KPNA5: variants seen among roughly 807,000 people sequenced by gnomAD.
KPNA5 encodes the protein karyopherin subunit alpha 5.
In KPNA5, 46 loss-of-function variants were observed where a neutral mutation model predicts 71.3. The observed-to-expected ratio is 0.65, with a 90% CI of 0.51 to 0.83. KPNA5 has a LOEUF of 0.83. Ranked by LOEUF, KPNA5 falls within the 40% of genes least tolerant of loss-of-function variation. The pLI is 0.00. For missense variants in KPNA5, 547 were observed against 628.3 expected (o/e 0.87, Z 1.38); for synonymous variants, 207 against 201.4 (o/e 1.03, Z -0.24).
At chr6:116,696,908 A>C (rs1778048565) in intron 4 of KPNA5, among the ~76,000 whole-genome samples, 1 of 151,770 alleles carries the variant, frequency 6.6e-6, no homozygotes, top group African/African-American at 2.4e-5. Flanking sequence ...CTTTTAATTC[A>C]CCGGGAAGAA....
At chr6:116,703,459 C>T (rs1019452181) in intron 6 of KPNA5, among the ~76,000 whole-genome samples, 2 of 151,994 alleles carry the variant, frequency 1.3e-5, no homozygotes, top group Non-Finnish European at 2.9e-5. Context: ...GATGGTGTTT[C>T]ACCATGTTGG....
intron 12 of KPNA5, among the ~76,000 whole-genome samples, chr6:116,728,566 C>CA (rs1562456280): frequency 6.6e-6 from 1 of 152,076 alleles, no homozygotes; most frequent in Non-Finnish European, 1.5e-5. Flanking sequence ...AACTATGAGG[C>CA]AGTTATTCAT....
intron 7 of KPNA5, among the ~76,000 whole-genome samples, chr6:116,713,976 C>G (rs1444352816): frequency 6.6e-6 from 1 of 152,020 alleles, no homozygotes; most frequent in Non-Finnish European, 1.5e-5. Flanking sequence ...GGTCCTTTAG[C>G]TCTTTTGAAC....
chr6:116,735,001 A>G lies in KPNA5; in HGVS notation c.*2678A>G, dbSNP rs1440601579. ...TTTTGTCTGAATCTGAATTTCTCCT[A>G]TTTAATCTATGCAATTATGCTTGTT... On this transcript the variant is annotated 3_prime_UTR_variant, in exon 14 of 14. Transcript: ENST00000368564. 6.6e-6 allele frequency: 1 copy of G among 151,646 alleles called. No homozygotes were observed. The highest frequency in any genetic ancestry group is 1.5e-5 in the Non-Finnish European group (1 of 67,710). 9.4% of individuals were successfully genotyped at this position (151,646 alleles called of 1,614,324 possible).
chr6:116,689,276 A>G, intron 1 of KPNA5, 44 bp from the exon 2 acceptor site: 1 of 1,578,836 alleles, frequency 6.3e-7, no homozygotes, highest in Non-Finnish European at 8.6e-7. Flanking sequence ...TTGTTTTGAG[A>G]GAGTGAGTTA....
Position 116,738,802 on chromosome 6 carries a change from G to C in KPNA5, c.*6479G>C, listed in dbSNP as rs954293559. On this transcript the variant is annotated 3_prime_UTR_variant, in exon 14 of 14. Coordinates refer to ENST00000368564, the MANE Select transcript of KPNA5 (RefSeq NM_001366306.2). The stretch of plus-strand genomic sequence containing the variant: ...AAGGCCTTCGACAAAATTCAACAAC[G>C]CTTCATGCTAAAAAACTCTCAATAA... The C allele has an allele frequency of 6.6e-6, 1 of 151,928 alleles. No homozygotes were observed. Among genetic ancestry groups the C allele is most frequent in the South Asian group, 2.1e-4 (1 of 4,818 alleles). The allele number at this position is 151,928 out of a possible 1,614,324, so 9.4% of individuals were successfully genotyped here. A position where few individuals can be genotyped will look rare whatever the true frequency, so the allele number is the denominator to read the frequency against.
chr6:116,728,722 C>A (rs1779368405), intron 12 of KPNA5, among the ~76,000 whole-genome samples: 1 of 151,810 alleles, frequency 6.6e-6, no homozygotes, highest in Non-Finnish European at 1.5e-5. Context: ...GAAGTTGGTA[C>A]TATTATTATT....
rs1779761209 is a variant in KPNA5, at chr6:116,738,753, A to G, written c.*6430A>G. On this transcript the variant is annotated 3_prime_UTR_variant, in exon 14 of 14. Coordinates refer to ENST00000368564, the MANE Select transcript of KPNA5 (RefSeq NM_001366306.2). ...AAACAGAACCAAAGACAAAAAACAC[A>G]TGATTATCTCAACAAATGCAGAAAA... The G allele has an allele frequency of 1.3e-5, 2 of 152,330 alleles. No homozygotes were observed. Among genetic ancestry groups the G allele is most frequent in the Middle Eastern group, 3.4e-3 (1 of 294 alleles). The allele number at this position is 152,330 out of a possible 1,614,324, so 9.4% of individuals were successfully genotyped here. A position where few individuals can be genotyped will look rare whatever the true frequency, so the allele number is the denominator to read the frequency against.
Position 116,705,087 on chromosome 6 carries a change from G to A in KPNA5, c.583G>A (p.Gly195Ser). Residue 195 changes from glycine to serine, a missense_variant, in exon 7 of 14, where the codon GGT (glycine) becomes AGT (serine). Physicochemically the swap from Gly to Ser is moderately conservative, Grantham distance 56. Coordinates refer to ENST00000368564, the MANE Select transcript of KPNA5 (RefSeq NM_001366306.2). ...TTTTCCTAAGGCTGTTTGGGCACTT[G>A]GTAATATTGCTGGTGACAATGCAGA... is the stretch of plus-strand genomic sequence containing the variant. ...DVQEQAVWAL[G>S]NIAGDNAECR... 1.2e-6 allele frequency: 2 copies of A among 1,610,646 alleles called. No individual in the cohort carries two copies. Among genetic ancestry groups the A allele is most frequent in the Non-Finnish European group, 1.7e-6 (2 of 1,178,848 alleles).
chr6:116,696,251 G>A (rs1049976133), intron 4 of KPNA5, among the ~76,000 whole-genome samples: 1 of 152,138 alleles, frequency 6.6e-6, no homozygotes, highest in Non-Finnish European at 1.5e-5. Context: ...GGAGTTAATA[G>A]ATGTTTTCTT....
Position 116,726,602 on chromosome 6 carries a change from A to C in KPNA5, c.1233A>C (p.Gly411=). ...GGGCTATAACTAATGCAACATCAGG[A>C]GGTACTCCAGAGCAAATAAGGTATG... is the stretch of plus-strand genomic sequence containing the variant. ...AAWAITNATS[G]GTPEQIRYLV... is the part of the protein sequence containing the mutation. The change falls in exon 12 of 14, where the codon GGA becomes GGC. Residue 411 remains glycine (G), a synonymous_variant. Coordinates refer to ENST00000368564, the MANE Select transcript of KPNA5 (RefSeq NM_001366306.2). 6.2e-7 allele frequency: 1 copy of C among 1,607,954 alleles called. No individual in the cohort carries two copies. Among genetic ancestry groups the C allele is most frequent in the Non-Finnish European group, 8.5e-7 (1 of 1,177,826 alleles).
intron 7 of KPNA5, among the ~76,000 whole-genome samples, chr6:116,714,965 G>GT (rs1197607395): frequency 1.3e-5 from 2 of 152,128 alleles, no homozygotes; most frequent in Non-Finnish European, 2.9e-5. Flanking sequence ...AGGGGGTTGC[G>GT]TAAGAGTAGG....
chr6:116,703,979 T>C (rs1052280325), intron 6 of KPNA5, among the ~76,000 whole-genome samples: 1 of 152,216 alleles, frequency 6.6e-6, no homozygotes, highest in African/African-American at 2.4e-5. Context: ...GTTTATAGTA[T>C]GGCCTTTTGC....
chr6:116,697,273 A>G (rs1309934442), intron 4 of KPNA5, among the ~76,000 whole-genome samples: 2 of 152,098 alleles, frequency 1.3e-5, no homozygotes, highest in Non-Finnish European at 1.5e-5. Context: ...TTATAACAGT[A>G]TAAGTTAGGG....
intron 8 of KPNA5, among the ~76,000 whole-genome samples, chr6:116,717,509 A>C (rs1485270780): frequency 2.0e-5 from 3 of 152,178 alleles, no homozygotes; most frequent in Non-Finnish European, 4.4e-5. Flanking sequence ...ACTGGTGGCA[A>C]ATCCATATGG....
At chr6:116,728,754 C>T (rs1779370486) in intron 12 of KPNA5, among the ~76,000 whole-genome samples, 1 of 151,868 alleles carries the variant, frequency 6.6e-6, no homozygotes, top group Non-Finnish European at 1.5e-5. Flanking sequence ...GATGGGGAAA[C>T]TGAGACACAG....
rs140804688 is a variant in KPNA5, at chr6:116,722,243, G to A, written c.874G>A (p.Ala292Thr). The A allele has an allele frequency of 8.7e-5, 140 of 1,612,980 alleles. 1 individual carries two copies. In the African/African-American group the frequency reaches 1.8e-3, roughly 21 times the overall value. ...CGATGGACCCAATGATAAAATTCAA[G>A]CAGTCATTGATTCTGGAGTCTGTCG... Reference protein sequence around the residue: ...LSDGPNDKIQAVIDSGVCRRL... With the variant: ...LSDGPNDKIQTVIDSGVCRRL... The change falls in exon 9 of 14, where the codon GCA becomes ACA. Residue 292 changes from alanine to threonine, a missense_variant. By Grantham distance (58) the Ala-to-Thr change is moderately conservative. Transcript: ENST00000368564.
rs1778317111 is a variant in KPNA5 at position 116,703,630 on chromosome 6, T to G, written c.568-1442T>G. On this transcript the variant is annotated intron_variant, in intron 6 of 13. Coordinates refer to ENST00000368564, the MANE Select transcript of KPNA5 (RefSeq NM_001366306.2). The stretch of plus-strand genomic sequence containing the variant: ...CAGACTCCAAGAATATTATACCAAT[T>G]AAGATCTCCACCAACAGAATATTAT... Among the ~76,000 whole-genome samples the G allele has an allele frequency of 4.6e-5, 7 of 152,048 alleles. No individual in the cohort carries two copies. The South Asian group carries it at 1.5e-3, about 32-fold the overall frequency.
In KPNA5 at chr6:116,725,007, A is replaced by G. The variant is rs75459286; in HGVS notation, c.999+632A>G. On this transcript the variant is annotated intron_variant, in intron 10 of 13. Transcript: ENST00000368564. Reference sequence around the variant, plus strand: ...CAGTGTATTTTTTATTCTAACCTACATATTTTCTTTCAGTTTTATCCTTTT... The same window carrying G: ...CAGTGTATTTTTTATTCTAACCTACGTATTTTCTTTCAGTTTTATCCTTTT... Among the ~76,000 whole-genome samples, 577 of 152,244 alleles carry G rather than the reference A, an allele frequency of 3.8e-3. 5 individuals carry two copies. The highest frequency in any genetic ancestry group is 0.013 in the African/African-American group (559 of 41,540).
Sources: gnomAD v4.1 joint callset for allele counts (sites outside exome capture counted in the v4.1 genomes callset) on GRCh38, gnomAD v4.1.1 for gene constraint, MANE v1.5 for transcripts, NCBI Gene and HGNC (gene_info 2026-07-23, HGNC 2026-07-21) for gene names.